Variants in CDK14 observed in about 807,000 individuals in gnomAD.
CDK14 encodes cyclin-dependent kinase 14.
A neutral mutation model predicts 60.7 loss-of-function variants in CDK14; 34 were observed. The ratio of observed to expected loss-of-function variants is 0.56; its 90% CI spans 0.43 to 0.75. CDK14 has a LOEUF of 0.75. CDK14 is among the 30% of genes least tolerant of loss of function. The pLI is 0.00. For missense variants in CDK14, 482 were observed against 564.1 expected (o/e 0.85, Z 1.47); for synonymous variants, 197 against 203.7 (o/e 0.97, Z 0.28).
chr7:90,884,402 G>A (rs1015265467), intron 6 of CDK14, among the ~76,000 whole-genome samples: 14 of 152,068 alleles, frequency 9.2e-5, no homozygotes, highest in Non-Finnish European at 1.8e-4. Flanking sequence ...TCTTCAAGGG[G>A]AACTACAAAC....
At chr7:91,048,135 C>T (rs1009356306) in intron 11 of CDK14, among the ~76,000 whole-genome samples, 3 of 152,118 alleles carry the variant, frequency 2.0e-5, no homozygotes, top group African/African-American at 7.2e-5. Flanking sequence ...GAGCGTAGTG[C>T]AGAGCCACCT....
At chr7:91,028,889 G>A (rs1374882387) in intron 10 of CDK14, among the ~76,000 whole-genome samples, 2 of 151,962 alleles carry the variant, frequency 1.3e-5, no homozygotes, top group African/African-American at 2.4e-5. Context: ...CTCCCATTCC[G>A]TAGGTTGTCT....
rs1182669974 is a variant in CDK14, at chr7:90,616,930, TTTTTTTTTCA to T, written c.123+12682_123+12691del. ...CACATATTTTCCTCCATTTTGATTA[TTTTTTTTTCA>T]GGCAAGATAGTTAGGCATATTAAAC... On this transcript the variant is annotated intron_variant, in intron 2 of 14. Coordinates refer to ENST00000380050, the MANE Select transcript of CDK14 (RefSeq NM_001287135.2). 3.3e-5 allele frequency among the ~76,000 whole-genome samples: 4 copies of T among 120,586 alleles called. No homozygotes were observed. The East Asian group carries it at 8.3e-4, about 25-fold the overall frequency. 79.1% of individuals were successfully genotyped at this position (120,586 alleles called of 152,430 possible). A position where few individuals can be genotyped will look rare whatever the true frequency, so the allele number is the denominator to read the frequency against.
intron 5 of CDK14, among the ~76,000 whole-genome samples, chr7:90,831,055 CTG>C (rs1321044117): frequency 6.6e-6 from 1 of 152,196 alleles, no homozygotes; most frequent in African/African-American, 2.4e-5. Context: ...GCCTTCCAAA[CTG>C]TTTCAGCCTC....
intron 2 of CDK14, among the ~76,000 whole-genome samples, chr7:90,659,849 CTCTCT>C (rs1800828068): frequency 3.4e-5 from 5 of 145,010 alleles, no homozygotes; most frequent in Non-Finnish European, 7.5e-5. Flanking sequence ...CTCTCTCTCT[CTCTCT>C]CTCTCTCTCT....
intron 2 of CDK14, chr7:90,710,067 A>G (rs767676379): frequency 5.5e-6 from 5 of 904,748 alleles, no homozygotes; most frequent in East Asian, 2.4e-4. Context: ...CATTTTATGC[A>G]TGTCATTTTA....
intron 2 of CDK14, among the ~76,000 whole-genome samples, chr7:90,699,929 C>T (rs1160768225): frequency 6.6e-6 from 1 of 152,030 alleles, no homozygotes. Flanking sequence ...ATCTATTAGG[C>T]CTTTGTATTG....
intron 5 of CDK14, chr7:90,824,762 A>C (rs1789665071): frequency 6.6e-6 from 1 of 152,236 alleles, no homozygotes; most frequent in African/African-American, 2.4e-5. Context: ...TGTCAAGTGC[A>C]ACAAAGTAAG....
intron 10 of CDK14, among the ~76,000 whole-genome samples, chr7:91,023,113 C>T (rs985797694): frequency 1.3e-4 from 20 of 151,914 alleles, no homozygotes; most frequent in Non-Finnish European, 7.4e-5. Flanking sequence ...TCTTGATTTC[C>T]TCATGCTACT....
intron 6 of CDK14, among the ~76,000 whole-genome samples, chr7:90,865,681 A>T (rs779407312): frequency 3.9e-5 from 6 of 152,196 alleles, no homozygotes; most frequent in Non-Finnish European, 8.8e-5. Context: ...AGGCAAAAGA[A>T]TGTTTAAGAC....
At position 91,102,586 on chromosome 7, in the gene CDK14, G is replaced by A. The variant is rs1799174993; in HGVS notation, c.1155-9956G>A. On this transcript the variant is annotated intron_variant, in intron 12 of 14. Coordinates refer to ENST00000380050, the MANE Select transcript of CDK14 (RefSeq NM_001287135.2). ...TGTTATACAAGCAGGTGTATCATCA[G>A]TTTTAGAGGGAGTCTTTTAGAACTA... is the stretch of plus-strand genomic sequence containing the variant. 2.0e-5 allele frequency among the ~76,000 whole-genome samples: 3 copies of A among 151,350 alleles called. No homozygotes were observed. The South Asian group carries it at 6.3e-4, about 32-fold the overall frequency.
At chr7:90,691,990 G>A (rs1476717828) in intron 2 of CDK14, among the ~76,000 whole-genome samples, 1 of 152,072 alleles carries the variant, frequency 6.6e-6, no homozygotes, top group Non-Finnish European at 1.5e-5. Flanking sequence ...TCAGATGAGT[G>A]AGTTTGAGAG....
At chr7:90,612,324 T>C (rs1799556845) in intron 2 of CDK14, among the ~76,000 whole-genome samples, 1 of 152,174 alleles carries the variant, frequency 6.6e-6, no homozygotes, top group South Asian at 2.1e-4. Context: ...CAAAGATTCA[T>C]GCATCAAATG....
chr7:90,796,224 G>A (rs1004771561), intron 5 of CDK14, among the ~76,000 whole-genome samples: 5 of 152,056 alleles, frequency 3.3e-5, no homozygotes, highest in Non-Finnish European at 7.4e-5. Context: ...TTAGAGTTGG[G>A]CATATTAGGG....
chr7:90,998,613 G>T (rs1795750561), intron 10 of CDK14, among the ~76,000 whole-genome samples: 1 of 152,208 alleles, frequency 6.6e-6, no homozygotes, highest in African/African-American at 2.4e-5. Flanking sequence ...AATAGGCCGG[G>T]CGCGGTGGCT....
In CDK14 at chr7:91,208,921, A is replaced by G. The variant is rs770873590; in HGVS notation, c.*1785A>G. On this transcript the variant is annotated 3_prime_UTR_variant, in exon 15 of 15. Coordinates refer to ENST00000380050, the MANE Select transcript of CDK14 (RefSeq NM_001287135.2). ...AAGTGTAGAATGTCTACTGTTTGCTACCTAGAAATCTTTTCCATTCCTCTT... is the reference window on the plus strand; with the variant it reads ...AAGTGTAGAATGTCTACTGTTTGCTGCCTAGAAATCTTTTCCATTCCTCTT... 1 of 152,652 alleles carries G rather than the reference A, an allele frequency of 6.6e-6. No individual in the cohort carries two copies. Among genetic ancestry groups the G allele is most frequent in the Non-Finnish European group, 1.5e-5 (1 of 68,046 alleles). The allele number at this position is 152,652 out of a possible 1,614,324, so 9.5% of individuals were successfully genotyped here. A position where few individuals can be genotyped will look rare whatever the true frequency, so the allele number is the denominator to read the frequency against.
intron 1 of CDK14, among the ~76,000 whole-genome samples, chr7:90,598,539 A>G (rs1386262782): frequency 3.9e-5 from 6 of 152,106 alleles, no homozygotes; most frequent in African/African-American, 1.4e-4. Flanking sequence ...AGATCTCATT[A>G]TGGAGTATTG....
intron 10 of CDK14, among the ~76,000 whole-genome samples, chr7:90,996,671 T>C (rs1226795477): frequency 6.6e-6 from 1 of 152,252 alleles, no homozygotes; most frequent in Non-Finnish European, 1.5e-5. Context: ...ATGGAGGCTA[T>C]GGCTTTCATA....
At chr7:90,853,718 G>A (rs1168665455) in intron 5 of CDK14, among the ~76,000 whole-genome samples, 1 of 152,152 alleles carries the variant, frequency 6.6e-6, no homozygotes, top group Non-Finnish European at 1.5e-5. Context: ...AGTGCCTTGT[G>A]GTTGGCATGT....
Sources: allele counts gnomAD v4.1 joint callset (sites outside exome capture counted in the v4.1 genomes callset), GRCh38; gene constraint gnomAD v4.1.1; transcripts MANE v1.5; gene names NCBI Gene and HGNC (gene_info 2026-07-23, HGNC 2026-07-21).